VAV3: variants seen among roughly 807,000 people sequenced by gnomAD.
VAV3 encodes vav guanine nucleotide exchange factor 3.
A neutral mutation model predicts 131.2 loss-of-function variants in VAV3; 94 were observed. The ratio of observed to expected loss-of-function variants is 0.72; its 90% confidence interval spans 0.61 to 0.85. The LOEUF is 0.85. VAV3 is among the 40% of genes least tolerant of loss of function. The pLI is 0.00. For synonymous variants in VAV3, 349 were observed against 342.0 expected (o/e 1.02, Z -0.22); for missense variants, 939 against 1,002.7 (o/e 0.94, Z 0.86).
At chr1:107,638,988 G>A (rs1461467404) in intron 20 of VAV3, among the ~76,000 whole-genome samples, 4 of 151,104 alleles carry the variant, frequency 2.6e-5, no homozygotes, top group Non-Finnish European at 5.9e-5. Flanking sequence ...CACATATATA[G>A]TACATATAAA....
chr1:107,766,454 T>TG lies in VAV3; in HGVS notation c.813dup (p.Lys272GlnfsTer20). 2 of 1,607,392 alleles carry TG rather than the reference T, an allele frequency of 1.2e-6. No individual in the cohort carries two copies. The highest frequency in any genetic ancestry group is 1.7e-6 in the Non-Finnish European group (2 of 1,174,846). ...TTAAACTTCAAAAGTTACCTTTCCT[T>TG]GTAGTTAATAAAAACTTGGTACAAG... On this transcript the variant is annotated frameshift_variant, in exon 8 of 27. Coordinates refer to ENST00000370056, the MANE Select transcript of VAV3 (RefSeq NM_006113.5). LOFTEE classifies it high-confidence loss of function.
intron 17 of VAV3, among the ~76,000 whole-genome samples, chr1:107,701,903 T>C (rs1660154938): frequency 1.3e-5 from 2 of 152,196 alleles, no homozygotes; most frequent in Non-Finnish European, 2.9e-5. Flanking sequence ...AACAAGTCTC[T>C]AGGAAGTTCC....
At chr1:107,635,133 G>A (rs181339287) in intron 20 of VAV3, among the ~76,000 whole-genome samples, 5 of 152,130 alleles carry the variant, frequency 3.3e-5, no homozygotes, top group Admixed American at 1.3e-4. Context: ...TATACCCAAA[G>A]AATTATAAAT....
At chr1:107,604,228 G>C (rs1322579415) in intron 22 of VAV3, among the ~76,000 whole-genome samples, 1 of 152,010 alleles carries the variant, frequency 6.6e-6, no homozygotes, top group South Asian at 2.1e-4. Flanking sequence ...TTCACATATA[G>C]ACCCACGTAA....
chr1:107,774,357 G>A (rs907440857), intron 4 of VAV3, among the ~76,000 whole-genome samples: 6 of 152,252 alleles, frequency 3.9e-5, no homozygotes, highest in South Asian at 2.1e-4. Context: ...ATGAGCCACC[G>A]CGCCTGGCTG....
chr1:107,705,371 A>C (rs1006677170), intron 15 of VAV3, among the ~76,000 whole-genome samples: 13 of 149,844 alleles, frequency 8.7e-5, no homozygotes, highest in South Asian at 6.3e-4. Flanking sequence ...AAAAAAAAAA[A>C]CCCACTGGAT....
intron 2 of VAV3, chr1:107,862,656 T>A (rs1436805288): frequency 6.6e-6 from 1 of 151,548 alleles, no homozygotes; most frequent in African/African-American, 2.4e-5. Flanking sequence ...ATGACCTCCA[T>A]ATGTAACTTG....
At chr1:107,631,932 A>G (rs1442110402) in intron 20 of VAV3, among the ~76,000 whole-genome samples, 1 of 152,076 alleles carries the variant, frequency 6.6e-6, no homozygotes, top group African/African-American at 2.4e-5. Flanking sequence ...ATGCCGCAAT[A>G]AACATACGTG....
intron 1 of VAV3, among the ~76,000 whole-genome samples, chr1:107,877,546 A>C (rs1208074409): frequency 2.6e-5 from 4 of 152,186 alleles, no homozygotes; most frequent in South Asian, 4.1e-4. Context: ...AGAAGATTTA[A>C]AAAGAGGCCT....
At chr1:107,850,522 G>C (rs1669168812) in intron 2 of VAV3, among the ~76,000 whole-genome samples, 1 of 151,048 alleles carries the variant, frequency 6.6e-6, no homozygotes, top group African/African-American at 2.4e-5. Context: ...GCTGAACAGT[G>C]AGAACAGATG....
intron 10 of VAV3, 33 bp downstream of exon 10, chr1:107,760,751 T>A: frequency 6.6e-7 from 1 of 1,516,702 alleles, no homozygotes; most frequent in African/African-American, 1.4e-5. Context: ...AGTGAATAAA[T>A]GGACAATAAA....
At chr1:107,736,542 C>G (rs1353934407) in intron 15 of VAV3, among the ~76,000 whole-genome samples, 1 of 152,162 alleles carries the variant, frequency 6.6e-6, no homozygotes, top group African/African-American at 2.4e-5. Context: ...GCAAAAATCA[C>G]AAGCATTCCT....
At chr1:107,666,126 C>A (rs112391856) in intron 19 of VAV3, among the ~76,000 whole-genome samples, 1 of 152,080 alleles carries the variant, frequency 6.6e-6, no homozygotes. Flanking sequence ...TTCACCTTAC[C>A]CTTCCTCTTC....
chr1:107,938,616 C>T (rs1673838749), intron 1 of VAV3, among the ~76,000 whole-genome samples: 1 of 152,148 alleles, frequency 6.6e-6, no homozygotes, highest in Admixed American at 6.6e-5. Flanking sequence ...TGTCCTTTCT[C>T]TCCATGTTTC....
intron 2 of VAV3, among the ~76,000 whole-genome samples, chr1:107,826,269 G>A (rs17020137): frequency 0.012 from 1,802 of 150,426 alleles, 34 homozygotes; most frequent in African/African-American, 0.042. Context: ...AGAATCATTT[G>A]CTCCATTACG....
intron 1 of VAV3, among the ~76,000 whole-genome samples, chr1:107,932,907 T>C (rs1034850054): frequency 2.0e-5 from 3 of 152,236 alleles, no homozygotes; most frequent in African/African-American, 7.2e-5. Context: ...ATCTTGACTT[T>C]AGCCCAGTGA....
At chr1:107,690,825 T>C (rs970041733) in intron 17 of VAV3, among the ~76,000 whole-genome samples, 1 of 152,304 alleles carries the variant, frequency 6.6e-6, no homozygotes, top group Non-Finnish European at 1.5e-5. Context: ...CCTGTCCTCA[T>C]GGCCACCACA....
At chr1:107,716,307 A>G (rs534173160) in intron 15 of VAV3, among the ~76,000 whole-genome samples, 6 of 152,344 alleles carry the variant, frequency 3.9e-5, no homozygotes, top group African/African-American at 1.4e-4. Flanking sequence ...ATTGTGACCA[A>G]ACAGCCAGCC....
intron 1 of VAV3, among the ~76,000 whole-genome samples, chr1:107,877,945 G>T (rs1340121189): frequency 6.6e-6 from 1 of 152,112 alleles, no homozygotes; most frequent in Admixed American, 6.6e-5. Context: ...CAGAGCTGAG[G>T]AATAGAGGAA....
Sources: gnomAD v4.1 joint callset for allele counts (sites outside exome capture counted in the v4.1 genomes callset) on GRCh38, gnomAD v4.1.1 for gene constraint, MANE v1.5 for transcripts, NCBI Gene and HGNC (gene_info 2026-07-23, HGNC 2026-07-21) for gene names.